The following CADM1 variants were observed in gnomAD, a reference collection of about 807,000 sequenced individuals.
CADM1 encodes TSLC-1.
In CADM1, 15 loss-of-function variants were observed where a neutral mutation model predicts 53.1. The ratio of observed to expected loss-of-function variants is 0.28; its 90% confidence interval spans 0.19 to 0.44. The LOEUF is 0.44. Ranked by LOEUF, CADM1 falls within the 20% of genes least tolerant of loss-of-function variation. CADM1 has a pLI of 1.00. For synonymous variants in CADM1, 281 were observed against 243.0 expected (o/e 1.16, Z -1.45); for missense variants, 434 against 611.3 (o/e 0.71, Z 3.06).
At chr11:115,300,989 C>CA (rs1303856603) in intron 1 of CADM1, among the ~76,000 whole-genome samples, 2 of 152,064 alleles carry the variant, frequency 1.3e-5, no homozygotes, top group African/African-American at 4.8e-5. Flanking sequence ...ACCGCCCCCC[C>CA]ACCACTCAAA....
chr11:115,478,423 CATAAAT>C (rs1357562259), intron 1 of CADM1, among the ~76,000 whole-genome samples: 6 of 152,164 alleles, frequency 3.9e-5, no homozygotes, highest in African/African-American at 1.2e-4. Flanking sequence ...TTTCAAAAGA[CATAAAT>C]ATAAATACCT....
At chr11:115,413,293 G>A (rs971628582) in intron 1 of CADM1, among the ~76,000 whole-genome samples, 10 of 152,190 alleles carry the variant, frequency 6.6e-5, no homozygotes, top group East Asian at 5.8e-4. Context: ...TTATTACTTC[G>A]TTGACAACAA....
rs1464724518 is a variant in CADM1, at chr11:115,328,715, T to TATATACATATATATATACGC, written c.125-88296_125-88295insGCGTATATATATATGTATAT. Among the ~76,000 whole-genome samples, 3 of 54,808 alleles carry TATATACATATATATATACGC rather than the reference T, an allele frequency of 5.5e-5. 1 individual carries two copies. The East Asian group carries it at 3.7e-3, about 69-fold the overall frequency. 36.0% of individuals were successfully genotyped at this position (54,808 alleles called of 152,430 possible). A position where few individuals can be genotyped will look rare whatever the true frequency, so the allele number is the denominator to read the frequency against. On this transcript the variant is annotated intron_variant, in intron 1 of 11. Transcript: ENST00000331581. ...GTGTATATATATGTATATATATATG[T>TATATACATATATATATACGC]GTATATATATGTATATACATATATA...
Position 115,358,200 on chromosome 11 carries a change from C to G in CADM1, c.125-117780G>C, listed in dbSNP as rs571314832. The stretch of plus-strand genomic sequence containing the variant: ...CACCACCTCTCAAGCAGTCATTGAT[C>G]CTCCTTCTCTCACTCATTGTCATTT... On this transcript the variant is annotated intron_variant, in intron 1 of 11. Transcript: ENST00000331581. 5.3e-4 allele frequency among the ~76,000 whole-genome samples: 70 copies of G among 132,938 alleles called. No homozygotes were observed. The East Asian group carries it at 0.012, about 22-fold the overall frequency. The allele number at this position is 132,938 out of a possible 152,430, so 87.2% of individuals were successfully genotyped here.
At chr11:115,461,309 G>A (rs1948790570) in intron 1 of CADM1, among the ~76,000 whole-genome samples, 1 of 152,146 alleles carries the variant, frequency 6.6e-6, no homozygotes, top group Non-Finnish European at 1.5e-5. Context: ...CTTCATATAG[G>A]AAGGTAAAGG....
chr11:115,491,005 A>C (rs1281884422), intron 1 of CADM1, among the ~76,000 whole-genome samples: 1 of 152,246 alleles, frequency 6.6e-6, no homozygotes, highest in Non-Finnish European at 1.5e-5. Flanking sequence ...GAGATGTCCA[A>C]GAGGCACTTT....
At chr11:115,182,834 A>C (rs1939375107) in intron 10 of CADM1, among the ~76,000 whole-genome samples, 1 of 152,168 alleles carries the variant, frequency 6.6e-6, no homozygotes, top group South Asian at 2.1e-4. Context: ...GTGACAGATA[A>C]ATCATGAGGT....
chr11:115,463,922 GCCA>G (rs1948844712), intron 1 of CADM1, among the ~76,000 whole-genome samples: 1 of 151,910 alleles, frequency 6.6e-6, no homozygotes, highest in Non-Finnish European at 1.5e-5. Context: ...CTTTCCAGCT[GCCA>G]GGTGCAAATT....
At chr11:115,218,984 A>G (rs1002394117) in intron 5 of CADM1, among the ~76,000 whole-genome samples, 1 of 148,336 alleles carries the variant, frequency 6.7e-6, no homozygotes, top group Non-Finnish European at 1.5e-5. Flanking sequence ...CGTTTTTTTC[A>G]GTGCTGAACT....
At chr11:115,262,117 T>C (rs1256483247) in intron 1 of CADM1, among the ~76,000 whole-genome samples, 1 of 151,796 alleles carries the variant, frequency 6.6e-6, no homozygotes, top group Non-Finnish European at 1.5e-5. Context: ...AGCATGTATA[T>C]ATTTTGTGTC....
intron 9 of CADM1, among the ~76,000 whole-genome samples, chr11:115,194,679 AAGAG>A (rs1178282689): frequency 6.6e-6 from 1 of 152,112 alleles, no homozygotes; most frequent in Non-Finnish European, 1.5e-5. Flanking sequence ...CACAGAGAGA[AAGAG>A]AGAGAGACGG....
chr11:115,471,420 T>C (rs1949008475), intron 1 of CADM1, among the ~76,000 whole-genome samples: 1 of 152,100 alleles, frequency 6.6e-6, no homozygotes, highest in South Asian at 2.1e-4. Context: ...TAGAAGTGAC[T>C]AAGAAAAGGA....
intron 1 of CADM1, among the ~76,000 whole-genome samples, chr11:115,251,496 T>C (rs545356038): frequency 6.6e-6 from 1 of 151,558 alleles, no homozygotes; most frequent in South Asian, 2.1e-4. Context: ...TTCTAGAGTG[T>C]ATTCTGTGAG....
intron 1 of CADM1, among the ~76,000 whole-genome samples, chr11:115,429,335 C>T (rs1024818135): frequency 2.0e-5 from 3 of 152,024 alleles, no homozygotes; most frequent in African/African-American, 7.2e-5. Flanking sequence ...TGGCTGGGCG[C>T]GGTGGCTCAT....
At chr11:115,386,979 A>C (rs1946715603) in intron 1 of CADM1, among the ~76,000 whole-genome samples, 1 of 152,216 alleles carries the variant, frequency 6.6e-6, no homozygotes. Context: ...CAACAACAAC[A>C]ACCAAGTAGC....
intron 1 of CADM1, among the ~76,000 whole-genome samples, chr11:115,319,303 C>G (rs919426212): frequency 1.4e-4 from 22 of 152,062 alleles, no homozygotes; most frequent in African/African-American, 3.1e-4. Context: ...TGCTGCCTAA[C>G]AGGCAGCAGC....
At chr11:115,441,898 T>G (rs1948321901) in intron 1 of CADM1, among the ~76,000 whole-genome samples, 2 of 152,034 alleles carry the variant, frequency 1.3e-5, no homozygotes, top group Admixed American at 1.3e-4. Context: ...CCATGATAGT[T>G]CTATTTTAAG....
chr11:115,238,954 C>T (rs1301180717), intron 2 of CADM1, among the ~76,000 whole-genome samples: 1 of 151,970 alleles, frequency 6.6e-6, no homozygotes, highest in Non-Finnish European at 1.5e-5. Flanking sequence ...TGTCAGTTTT[C>T]AGCACTTACT....
chr11:115,367,636 T>C (rs1265509530), intron 1 of CADM1, among the ~76,000 whole-genome samples: 2 of 152,192 alleles, frequency 1.3e-5, no homozygotes, highest in Non-Finnish European at 2.9e-5. Flanking sequence ...TGTATACTTT[T>C]AGCATACTTA....
Sources: gnomAD v4.1 joint callset for allele counts (sites outside exome capture counted in the v4.1 genomes callset) on GRCh38, gnomAD v4.1.1 for gene constraint, MANE v1.5 for transcripts, NCBI Gene and HGNC (gene_info 2026-07-23, HGNC 2026-07-21) for gene names.